The following FRRS1L variants were observed in gnomAD, a reference collection of about 807,000 sequenced individuals.
FRRS1L encodes DOMON domain-containing protein FRRS1L.
Under a neutral mutation model 28.6 loss-of-function variants are expected in FRRS1L, and 22 were observed. The observed-to-expected ratio is 0.77, with a 90% CI of 0.55 to 1.10. FRRS1L has a LOEUF of 1.10. FRRS1L is among the 50% of genes least tolerant of loss of function. The pLI, the probability that FRRS1L is intolerant of heterozygous loss-of-function variation, is 0.00. For synonymous variants in FRRS1L, 158 were observed against 151.4 expected (o/e 1.04, Z -0.32); for missense variants, 380 against 386.9 (o/e 0.98, Z 0.15).
chr9:109,147,227 T>C, intron 2 of FRRS1L, 38 bp from the exon 3 acceptor site: 2 of 1,574,686 alleles, frequency 1.3e-6, no homozygotes, highest in South Asian at 1.1e-5. Context: ...CTGCTTCTAC[T>C]TACACAAAAG....
intron 3 of FRRS1L, among the ~76,000 whole-genome samples, chr9:109,146,709 A>ATGAACCCCACCTAAAATGAGC: frequency 6.6e-6 from 1 of 152,314 alleles, no homozygotes; most frequent in Middle Eastern, 3.4e-3. Flanking sequence ...TCAAGTCCAG[A>ATGAACCCCACCTAAAATGAGC]TGAACCCCAC....
At chr9:109,144,647 G>C (rs1302213369) in intron 3 of FRRS1L, among the ~76,000 whole-genome samples, 3 of 151,230 alleles carry the variant, frequency 2.0e-5, no homozygotes, top group African/African-American at 7.3e-5. Context: ...TTATAGGTGT[G>C]AGCCACCATG....
At chr9:109,165,624 A>G (rs891651027) in intron 1 of FRRS1L, among the ~76,000 whole-genome samples, 2 of 152,234 alleles carry the variant, frequency 1.3e-5, no homozygotes, top group Admixed American at 6.5e-5. Flanking sequence ...TCTTTAATAC[A>G]ATAATTCTGA....
rs995691939 is a variant in FRRS1L at position 109,131,645 on chromosome 9, T to C, written c.*5810A>G. 1 of 152,200 alleles carries C rather than the reference T, an allele frequency of 6.6e-6. No homozygotes were observed. The highest frequency in any genetic ancestry group is 1.5e-5 in the Non-Finnish European group (1 of 68,030). The allele number at this position is 152,200 out of a possible 1,614,324, so 9.4% of individuals were successfully genotyped here. A position where few individuals can be genotyped will look rare whatever the true frequency, so the allele number is the denominator to read the frequency against. ...TTATGGGACATAACCCCATTGTAAG[T>C]TGTAGGAATGTATCAAATGTATATC... On this transcript the variant is annotated 3_prime_UTR_variant, in exon 5 of 5. Coordinates refer to ENST00000561981, the MANE Select transcript of FRRS1L (RefSeq NM_014334.4).
chr9:109,161,424 G>T (rs1831479306), intron 1 of FRRS1L, among the ~76,000 whole-genome samples: 1 of 152,010 alleles, frequency 6.6e-6, no homozygotes, highest in African/African-American at 2.4e-5. Flanking sequence ...TGCTGACATG[G>T]ACTCTATAAG....
At chr9:109,162,829 T>C (rs578019643) in intron 1 of FRRS1L, among the ~76,000 whole-genome samples, 1 of 152,326 alleles carries the variant, frequency 6.6e-6, no homozygotes, top group South Asian at 2.1e-4. Flanking sequence ...GTTCTGTCCT[T>C]CTTTCTACCT....
At position 109,149,543 on chromosome 9, in the gene FRRS1L, C is replaced by G. The variant is rs999729; in HGVS notation, c.323+93G>C. 92,887 of 818,528 alleles carry G rather than the reference C, an allele frequency of 0.11. 5,807 individuals carry two copies. The highest frequency in any genetic ancestry group is 0.17 in the Middle Eastern group (760 of 4,434). 50.7% of individuals were successfully genotyped at this position (818,528 alleles called of 1,614,324 possible). A position where few individuals can be genotyped will look rare whatever the true frequency, so the allele number is the denominator to read the frequency against. Reference sequence around the variant, plus strand: ...TGAGGTGATCAAGGAGCTCAGGCCCCCTGATTAGAAGGAACTGCATGCAAT... The same window carrying G: ...TGAGGTGATCAAGGAGCTCAGGCCCGCTGATTAGAAGGAACTGCATGCAAT... On this transcript the variant is annotated intron_variant, in intron 2 of 4. Coordinates refer to ENST00000561981, the MANE Select transcript of FRRS1L (RefSeq NM_014334.4).
At chr9:109,139,230 T>A (rs1266156780) in intron 4 of FRRS1L, 1 of 151,746 alleles carries the variant, frequency 6.6e-6, no homozygotes, top group Non-Finnish European at 1.5e-5. Context: ...ATAAAAAAAA[T>A]AGAAGGGCAT....
chr9:109,149,766 G>C, intron 1 of FRRS1L, 46 bp from the exon 2 acceptor site: 11 of 1,249,904 alleles, frequency 8.8e-6, no homozygotes, highest in Non-Finnish European at 1.3e-5. Context: ...AGTAACAACT[G>C]TTCCAATGAG....
At chr9:109,166,859 C>G in intron 1 of FRRS1L, 42 bp downstream of exon 1, 3 of 813,584 alleles carry the variant, frequency 3.7e-6, no homozygotes, top group Non-Finnish European at 4.9e-6. Context: ...CCCCCACCCC[C>G]GGTCTCCCCT....
Position 109,147,119 on chromosome 9 carries a change from C to T in FRRS1L, c.394G>A (p.Val132Ile), listed in dbSNP as rs748670055. The stretch of plus-strand genomic sequence containing the variant: ...GTGTCTGCACTCAGCTCAAATTCTA[C>T]ATCAGCCCCTATCATCCGGTAGCTG... ...FLSYRMIGAD[V>I]EFELSADTDG... Residue 132 changes from valine (V) to isoleucine (I), a missense_variant, in exon 3 of 5, where the codon GTA (valine) becomes ATA (isoleucine). Physicochemically the swap from Val to Ile is conservative, Grantham distance 29 (BLOSUM62 3). Transcript: ENST00000561981. 2 of 1,613,600 alleles carry T rather than the reference C, an allele frequency of 1.2e-6. No homozygotes were observed. The highest frequency in any genetic ancestry group is 1.7e-4 in the Middle Eastern group (1 of 6,060).
At chr9:109,157,976 T>C (rs932880518) in intron 1 of FRRS1L, among the ~76,000 whole-genome samples, 7 of 152,238 alleles carry the variant, frequency 4.6e-5, no homozygotes, top group Admixed American at 3.3e-4. Context: ...TTCTGTAATG[T>C]TCCTTTCTCA....
intron 1 of FRRS1L, among the ~76,000 whole-genome samples, chr9:109,160,937 C>T (rs1588104321): frequency 1.3e-5 from 2 of 152,026 alleles, no homozygotes; most frequent in South Asian, 4.1e-4. Flanking sequence ...GGATTACAGG[C>T]ACCCGCCATC....
chr9:109,149,818 G>A lies in FRRS1L; in HGVS notation c.239-98C>T, dbSNP rs980661457. The A allele has an allele frequency of 9.8e-6, 8 of 819,324 alleles. No individual in the cohort carries two copies. In the African/African-American group the frequency reaches 1.2e-4, roughly 12 times the overall value. The allele number at this position is 819,324 out of a possible 1,614,324, so 50.8% of individuals were successfully genotyped here. On this transcript the variant is annotated intron_variant, in intron 1 of 4. Transcript: ENST00000561981. ...TTGACTGTTTTTTCTCACACATATCGAGAAATGTTTGGGGACTCAGAAAAT... is the reference window on the plus strand; with the variant it reads ...TTGACTGTTTTTTCTCACACATATCAAGAAATGTTTGGGGACTCAGAAAAT...
intron 3 of FRRS1L, among the ~76,000 whole-genome samples, chr9:109,145,626 CAA>C (rs148190945): frequency 0.055 from 8,363 of 152,148 alleles, 445 homozygotes; most frequent in African/African-American, 0.15. Flanking sequence ...GCAGAAAAAT[CAA>C]ACTTGAACCC....
rs182494848 is a variant in FRRS1L at position 109,162,118 on chromosome 9, T to C, written c.238+4783A>G. ...ATCTCTTGAGGTCAGGAGTTCAAGA[T>C]CAGCCCGGTCAACAGGGTGAAACCC... is the stretch of plus-strand genomic sequence containing the variant. On this transcript the variant is annotated intron_variant, in intron 1 of 4. Transcript: ENST00000561981. 1.3e-3 allele frequency among the ~76,000 whole-genome samples: 198 copies of C among 152,230 alleles called. 1 individual carries two copies. Among genetic ancestry groups the C allele is most frequent in the Non-Finnish European group, 2.2e-3 (147 of 68,012 alleles).
intron 1 of FRRS1L, chr9:109,151,446 A>T (rs1484437687): frequency 6.5e-6 from 1 of 153,676 alleles, no homozygotes; most frequent in Admixed American, 6.5e-5. Flanking sequence ...TTAGATTCTC[A>T]TAGGAGTGCA....
Position 109,159,599 on chromosome 9 carries a change from A to G in FRRS1L, c.238+7302T>C, listed in dbSNP as rs562854279. On this transcript the variant is annotated intron_variant, in intron 1 of 4. Transcript: ENST00000561981. The stretch of plus-strand genomic sequence containing the variant: ...AGAATCGCTTGAACCTGGGAAGTGT[A>G]GTGAGCCAAGATCGCGCCATTGCAT... Among the ~76,000 whole-genome samples, 24 of 152,346 alleles carry G rather than the reference A, an allele frequency of 1.6e-4. No individual in the cohort carries two copies. The South Asian group carries it at 4.6e-3, about 29-fold the overall frequency.
In FRRS1L at chr9:109,167,007, T is replaced by A; in HGVS notation, c.132A>T (p.Gly44=). The change falls in exon 1 of 5, where the codon GGA becomes GGT. Residue 44 remains glycine (G), a synonymous_variant. Coordinates refer to ENST00000561981, the MANE Select transcript of FRRS1L (RefSeq NM_014334.4). ...CGGCGCCCGTGTCCCCCCGCGCGCG[T>A]CCCCGGGGTCCCCGGCCCCCCGGGC... is the stretch of plus-strand genomic sequence containing the variant. The part of the protein sequence containing the change: ...GAGPGGRGPR[G]RARGDTGADE... 1 of 1,203,712 alleles carries A rather than the reference T, an allele frequency of 8.3e-7. No homozygotes were observed. The highest frequency in any genetic ancestry group is 3.7e-5 in the South Asian group (1 of 27,178). 74.6% of individuals were successfully genotyped at this position (1,203,712 alleles called of 1,614,324 possible). A position where few individuals can be genotyped will look rare whatever the true frequency, so the allele number is the denominator to read the frequency against.
Sources: gnomAD v4.1 joint callset for allele counts (sites outside exome capture counted in the v4.1 genomes callset) on GRCh38, gnomAD v4.1.1 for gene constraint, MANE v1.5 for transcripts, NCBI Gene and HGNC (gene_info 2026-07-23, HGNC 2026-07-21) for gene names.